Variants in SLC5A5 observed in about 807,000 individuals in gnomAD.
SLC5A5 encodes solute carrier family 5 member 5.
A neutral mutation model predicts 68.6 loss-of-function variants in SLC5A5; 56 were observed. The ratio of observed to expected loss-of-function variants is 0.82; its 90% confidence interval spans 0.66 to 1.02. The LOEUF (loss-of-function observed/expected upper bound fraction) is 1.02. SLC5A5 is among the 50% of genes least tolerant of loss of function. SLC5A5 has a pLI of 0.00. For missense variants in SLC5A5, 807 were observed against 859.8 expected (o/e 0.94, Z 0.77); for synonymous variants, 398 against 373.0 (o/e 1.07, Z -0.77).
intron 1 of SLC5A5, 99 bp from the exon 2 acceptor site, chr19:17,874,039 T>G: frequency 1.2e-6 from 1 of 850,152 alleles, no homozygotes; most frequent in Non-Finnish European, 2.0e-6. Context: ...GCGGTTGGCT[T>G]CCGGAGGGAG....
At chr19:17,883,254 G>A (rs1158737039) in intron 10 of SLC5A5, among the ~76,000 whole-genome samples, 5 of 149,398 alleles carry the variant, frequency 3.3e-5, no homozygotes, top group African/African-American at 1.2e-4. Flanking sequence ...TCTATTTGAT[G>A]CCAGAGGCCA....
chr19:17,876,325 G>T (rs1204998661), intron 5 of SLC5A5, among the ~76,000 whole-genome samples: 3 of 151,860 alleles, frequency 2.0e-5, no homozygotes, highest in African/African-American at 7.3e-5. Context: ...TAGTTGAGAG[G>T]CTGAGGCTGG....
In SLC5A5 at chr19:17,872,301, G is replaced by C; in HGVS notation, c.-19G>C. ...ACGCAGGGCGTCCGAGGACGCGCTG[G>C]GCCTCCGCACCCGCCCTCATGGAGG... On this transcript the variant is annotated 5_prime_UTR_variant, in exon 1 of 15. Transcript: ENST00000222248. The C allele has an allele frequency of 1.3e-6, 2 of 1,553,590 alleles. No homozygotes were observed. Among genetic ancestry groups the C allele is most frequent in the Non-Finnish European group, 1.7e-6 (2 of 1,148,018 alleles).
chr19:17,884,067 G>T (rs777174344), intron 12 of SLC5A5, 21 bp downstream of exon 12: 2 of 1,537,664 alleles, frequency 1.3e-6, no homozygotes, highest in Non-Finnish European at 1.8e-6. Flanking sequence ...TTGAGGGTAG[G>T]GGGGTACCCG....
rs750136549 is a variant in SLC5A5 at position 17,872,685 on chromosome 19, CAG to C, written c.357+12_357+13del. 1 of 1,533,772 alleles carries C rather than the reference CAG, an allele frequency of 6.5e-7. No individual in the cohort carries two copies. The highest frequency in any genetic ancestry group is 1.1e-5 in the South Asian group (1 of 89,614). Reference sequence around the variant, plus strand: ...TCACCAGCACCTACGAGGTACCGGACAGAGGCCCGGGGGTAGGACCTGCCCCA... The same window carrying C: ...TCACCAGCACCTACGAGGTACCGGACAGGCCCGGGGGTAGGACCTGCCCCA... On this transcript the variant is annotated intron_variant, in intron 1 of 14. Transcript: ENST00000222248.
intron 7 of SLC5A5, among the ~76,000 whole-genome samples, chr19:17,880,164 G>A (rs962575108): frequency 1.3e-5 from 2 of 151,156 alleles, no homozygotes; most frequent in African/African-American, 4.9e-5. Flanking sequence ...GCCTCTGAAT[G>A]TGCTGGGATT....
At chr19:17,878,213 A>T (rs2094312274) in intron 7 of SLC5A5, 120 bp downstream of exon 7, 3 of 1,221,488 alleles carry the variant, frequency 2.5e-6, no homozygotes, top group East Asian at 4.8e-5. Flanking sequence ...AGTAGGAAAG[A>T]GCTGAGAGGA....
intron 4 of SLC5A5, 59 bp downstream of exon 4, chr19:17,874,790 G>A: frequency 2.0e-6 from 3 of 1,526,948 alleles, no homozygotes; most frequent in Middle Eastern, 1.7e-4. Context: ...GTCTCTTGTG[G>A]GGAGACTCTG....
In SLC5A5 at chr19:17,872,133, G is replaced by T; in HGVS notation, c.-187G>T. The T allele has an allele frequency of 1.7e-6, 1 of 590,580 alleles. No homozygotes were observed. The highest frequency in any genetic ancestry group is 2.0e-5 in the South Asian group (1 of 49,860). The allele number at this position is 590,580 out of a possible 1,614,324, so 36.6% of individuals were successfully genotyped here. ...AGGGAGGCCGACACGGACATCGACA[G>T]CCCATAGATTCCTAACCCAGGGAGC... On this transcript the variant is annotated 5_prime_UTR_variant, in exon 1 of 15. Coordinates refer to ENST00000222248, the MANE Select transcript of SLC5A5 (RefSeq NM_000453.3).
intron 2 of SLC5A5, 136 bp downstream of exon 2, chr19:17,874,339 C>G: frequency 1.1e-6 from 1 of 873,790 alleles, no homozygotes; most frequent in Non-Finnish European, 1.9e-6. Context: ...CATCAGTCCC[C>G]TCCCACACCA....
rs1346036042 is a variant in SLC5A5 at position 17,877,954 on chromosome 19, C to T, written c.840-10C>T. On this transcript the variant is annotated splice_polypyrimidine_tract_variant and intron_variant, in intron 6 of 14. Transcript: ENST00000222248. ...CTATCCCCTAAGCCTGAGGCTGCCT[C>T]TTCCCCCAGGGCCCTGCTCATCAAC... The T allele has an allele frequency of 3.7e-6, 6 of 1,613,678 alleles. No homozygotes were observed. Among genetic ancestry groups the T allele is most frequent in the East Asian group, 2.2e-5 (1 of 44,882 alleles).
rs1163245128 is a variant in SLC5A5 at position 17,888,407 on chromosome 19, GGCACGCTGACCACT to G, written c.1605_1618del (p.Thr536AlafsTer45). ...CTCCTATCTCTATTACGGTGCCCTG[GGCACGCTGACCACT>G]GTGCTGTGCGGAGCCCTCATCAGCT... On this transcript the variant is annotated frameshift_variant, in exon 13 of 15. Transcript: ENST00000222248. LOFTEE classifies it high-confidence loss of function. The G allele has an allele frequency of 6.2e-7, 1 of 1,613,892 alleles. No homozygotes were observed.
intron 10 of SLC5A5, among the ~76,000 whole-genome samples, chr19:17,883,184 T>G (rs968567458): frequency 1.3e-5 from 2 of 151,900 alleles, no homozygotes; most frequent in African/African-American, 4.8e-5. Context: ...TGTCTTGAAC[T>G]CCTGGCCTCA....
intron 14 of SLC5A5, among the ~76,000 whole-genome samples, chr19:17,893,075 G>T (rs1457402825): frequency 9.9e-5 from 11 of 111,518 alleles, no homozygotes; most frequent in East Asian, 2.4e-4. Context: ...TGTTTTATTT[G>T]TGTGTTTTTT....
At chr19:17,893,306 T>A (rs2030271575) in intron 14 of SLC5A5, among the ~76,000 whole-genome samples, 1 of 152,044 alleles carries the variant, frequency 6.6e-6, no homozygotes, top group African/African-American at 2.4e-5. Context: ...TTTTGCCATA[T>A]TGGCCAGGCT....
intron 14 of SLC5A5, among the ~76,000 whole-genome samples, chr19:17,891,800 G>C (rs1202510313): frequency 6.6e-6 from 1 of 152,168 alleles, no homozygotes; most frequent in East Asian, 1.9e-4. Flanking sequence ...GTCCCTGGGG[G>C]ACCTGATCCC....
At position 17,876,071 on chromosome 19, in the gene SLC5A5, G is replaced by A. The variant is rs375564091; in HGVS notation, c.663G>A (p.Thr221=). 94 of 1,614,164 alleles carry A rather than the reference G, an allele frequency of 5.8e-5. 2 individuals carry two copies. Among genetic ancestry groups the A allele is most frequent in the East Asian group, 1.1e-4 (5 of 44,878 alleles). Residue 221 remains threonine, a synonymous_variant, in exon 5 of 15, where the codon ACG becomes ACA. Transcript: ENST00000222248. ...MLVGGPRQVL[T]LAQNHSRINL... ...TGGGCGGGCCCCGCCAGGTGCTCAC[G>A]CTGGCCCAGAACCACTCCCGGATCA...
At chr19:17,882,502 AT>A (rs1324539704) in intron 10 of SLC5A5, among the ~76,000 whole-genome samples, 1 of 146,492 alleles carries the variant, frequency 6.8e-6, no homozygotes, top group Non-Finnish European at 1.5e-5. Flanking sequence ...TGCCTGGCTA[AT>A]TTTTTTCTTT....
At position 17,877,870 on chromosome 19, in the gene SLC5A5, G is replaced by A. The variant is rs1439602761; in HGVS notation, c.839+7G>A. On this transcript the variant is annotated splice_region_variant and intron_variant, in intron 6 of 14. Coordinates refer to ENST00000222248, the MANE Select transcript of SLC5A5 (RefSeq NM_000453.3). ...CAGAGAAGCAGGCCAAGCTGTGAGTGTTTCGGGGAGCAAGGTCGGGGTTTC... is the reference window on the plus strand; with the variant it reads ...CAGAGAAGCAGGCCAAGCTGTGAGTATTTCGGGGAGCAAGGTCGGGGTTTC... 6.2e-7 allele frequency: 1 copy of A among 1,614,200 alleles called. No individual in the cohort carries two copies. Among genetic ancestry groups the A allele is most frequent in the African/African-American group, 1.3e-5 (1 of 75,046 alleles).
Sources: gnomAD v4.1 joint callset for allele counts (sites outside exome capture counted in the v4.1 genomes callset) on GRCh38, gnomAD v4.1.1 for gene constraint, MANE v1.5 for transcripts, NCBI Gene and HGNC (gene_info 2026-07-23, HGNC 2026-07-21) for gene names.